Variants in LYN observed in about 807,000 individuals in gnomAD.
LYN encodes the protein LYN proto-oncogene, Src family tyrosine kinase.
A neutral mutation model predicts 65.0 loss-of-function variants in LYN; 12 were observed. The ratio of observed to expected loss-of-function variants is 0.18; its 90% CI spans 0.12 to 0.30. The LOEUF (loss-of-function observed/expected upper bound fraction) is 0.30, where lower values mean the gene tolerates loss of function less well. Among genes scored for constraint, LYN ranks in the 10% least tolerant of loss-of-function variants. The pLI is 1.00. For missense variants in LYN, 380 were observed against 623.2 expected (o/e 0.61, Z 4.16); for synonymous variants, 222 against 221.2 (o/e 1.00, Z -0.03).
At chr8:55,887,605 T>A (rs71519439) in intron 1 of LYN, among the ~76,000 whole-genome samples, 1 of 86,986 alleles carries the variant, frequency 1.1e-5, no homozygotes, top group Non-Finnish European at 2.3e-5. Context: ...CACACACACA[T>A]ATATATATAT....
rs376521113 is a variant in LYN, at chr8:55,924,068, T to A, written c.-5-17787T>A. Among the ~76,000 whole-genome samples the A allele has an allele frequency of 1.5e-4, 23 of 151,524 alleles. No individual in the cohort carries two copies. The South Asian group carries it at 4.6e-3, about 30-fold the overall frequency. ...TACTTGTTTTTTCTTTTTCTTTCTTTTTTTTTTTTATTATAGCAACCACAG... is the reference window on the plus strand; with the variant it reads ...TACTTGTTTTTTCTTTTTCTTTCTTATTTTTTTTTATTATAGCAACCACAG... On this transcript the variant is annotated intron_variant, in intron 1 of 12. Coordinates refer to ENST00000519728, the MANE Select transcript of LYN (RefSeq NM_002350.4).
rs768213433 is a variant in LYN at position 55,998,414 on chromosome 8, T to C, written c.1119T>C (p.Val373=). Residue 373 remains valine (V), a synonymous_variant, in exon 11 of 13, where the codon GTT becomes GTC. Coordinates refer to ENST00000519728, the MANE Select transcript of LYN (RefSeq NM_002350.4). Reference sequence around the variant, plus strand: ...ACCGGGACCTGCGAGCAGCTAATGTTCTGGTCTCCGAGTCACTCATGTGCA... The same window carrying C: ...ACCGGGACCTGCGAGCAGCTAATGTCCTGGTCTCCGAGTCACTCATGTGCA... ...YIHRDLRAAN[V]LVSESLMCKI... 2 of 1,613,996 alleles carry C rather than the reference T, an allele frequency of 1.2e-6. No individual in the cohort carries two copies. The highest frequency in any genetic ancestry group is 3.3e-5 in the Admixed American group (2 of 60,002).
At chr8:56,003,309 C>G (rs1585684124) in intron 12 of LYN, among the ~76,000 whole-genome samples, 1 of 152,106 alleles carries the variant, frequency 6.6e-6, no homozygotes, top group East Asian at 1.9e-4. Flanking sequence ...GATCCTCCCG[C>G]CTTGGCCTGC....
intron 10 of LYN, among the ~76,000 whole-genome samples, chr8:55,991,603 C>A (rs1284068832): frequency 6.6e-6 from 1 of 152,048 alleles, no homozygotes; most frequent in Non-Finnish European, 1.5e-5. Flanking sequence ...AACCCCCCAC[C>A]CCCAGGATTT....
At chr8:55,953,743 A>G (rs1222279884) in intron 7 of LYN, 89 bp from the exon 8 acceptor site, 7 of 1,254,054 alleles carry the variant, frequency 5.6e-6, no homozygotes, top group African/African-American at 3.3e-5. Flanking sequence ...GTTGGACACT[A>G]TAAGGCTAGT....
chr8:55,936,234 C>A (rs953743310), intron 1 of LYN, among the ~76,000 whole-genome samples: 1 of 152,164 alleles, frequency 6.6e-6, no homozygotes, highest in Non-Finnish European at 1.5e-5. Context: ...ACCTCTATTT[C>A]CCCAGGCTTC....
chr8:55,998,724 C>G (rs1355257531), intron 11 of LYN, among the ~76,000 whole-genome samples: 1 of 152,178 alleles, frequency 6.6e-6, no homozygotes, highest in Non-Finnish European at 1.5e-5. Flanking sequence ...CAAATGCTAT[C>G]AGTTGTATTT....
intron 1 of LYN, among the ~76,000 whole-genome samples, chr8:55,911,150 T>TATATATGTACATATATATACGTGTAG (rs1805605011): frequency 3.0e-5 from 1 of 32,914 alleles, no homozygotes. Flanking sequence ...TATACGTGTA[T>TATATATGTACATATATATACGTGTAG]ATATATGTAC....
chr8:56,007,971 T>C (rs920270106), intron 12 of LYN, among the ~76,000 whole-genome samples: 1 of 151,718 alleles, frequency 6.6e-6, no homozygotes, highest in Non-Finnish European at 1.5e-5. Context: ...ATACAAAAAT[T>C]AGCCGGGCAT....
intron 2 of LYN, among the ~76,000 whole-genome samples, chr8:55,942,311 GTATATATGTATATATATGTGTATATA>G (rs1282836225): frequency 1.4e-5 from 2 of 138,928 alleles, no homozygotes; most frequent in Non-Finnish European, 3.1e-5. Flanking sequence ...GTATATATGT[GTATATATGTATATATATGTGTATATA>G]TATATGTGTA....
intron 10 of LYN, among the ~76,000 whole-genome samples, chr8:55,986,993 G>A (rs1808089410): frequency 6.6e-6 from 1 of 152,332 alleles, no homozygotes; most frequent in East Asian, 1.9e-4. Flanking sequence ...TGGGATTACA[G>A]GTGGGAGCCG....
intron 1 of LYN, among the ~76,000 whole-genome samples, chr8:55,883,805 C>T (rs1804713428): frequency 6.6e-6 from 1 of 152,118 alleles, no homozygotes; most frequent in African/African-American, 2.4e-5. Flanking sequence ...TATACATTGC[C>T]TCCCATCTTT....
chr8:55,903,415 A>G (rs1326524735), intron 1 of LYN, among the ~76,000 whole-genome samples: 2 of 152,258 alleles, frequency 1.3e-5, no homozygotes, highest in African/African-American at 4.8e-5. Context: ...TAAGGCTTCT[A>G]TATCATGCCC....
chr8:55,920,658 T>C (rs1805918908), intron 1 of LYN, among the ~76,000 whole-genome samples: 1 of 152,058 alleles, frequency 6.6e-6, no homozygotes, highest in African/African-American at 2.4e-5. Context: ...CCAAAGTCCT[T>C]TGCTGCTTTA....
chr8:55,882,526 T>C (rs1361848162), intron 1 of LYN, among the ~76,000 whole-genome samples: 1 of 152,230 alleles, frequency 6.6e-6, no homozygotes, highest in Non-Finnish European at 1.5e-5. Context: ...GCAGGGAACA[T>C]TGTTATAAGC....
chr8:56,002,710 A>G (rs948470199), intron 12 of LYN, among the ~76,000 whole-genome samples: 1 of 152,134 alleles, frequency 6.6e-6, no homozygotes, highest in Non-Finnish European at 1.5e-5. Flanking sequence ...GTTTCTCTCT[A>G]TATGGAAGAA....
chr8:55,989,941 C>A (rs1008828209), intron 10 of LYN, among the ~76,000 whole-genome samples: 10 of 151,998 alleles, frequency 6.6e-5, no homozygotes, highest in African/African-American at 2.4e-4. Flanking sequence ...TAAGTGGATT[C>A]AAAAATTTCC....
chr8:56,003,068 T>TG (rs1216951814), intron 12 of LYN, among the ~76,000 whole-genome samples: 3 of 151,664 alleles, frequency 2.0e-5, no homozygotes, highest in Non-Finnish European at 4.4e-5. Context: ...TTTTGTTTTT[T>TG]TTTTTTTTTG....
chr8:56,000,727 C>CAAA (rs1043054300), intron 12 of LYN, among the ~76,000 whole-genome samples: 14 of 46,848 alleles, frequency 3.0e-4, no homozygotes, highest in Admixed American at 8.4e-4. Context: ...GACTCTGTCT[C>CAAA]AAAAAAAAAA....
Sources: allele counts gnomAD v4.1 joint callset (sites outside exome capture counted in the v4.1 genomes callset), GRCh38; gene constraint gnomAD v4.1.1; transcripts MANE v1.5; gene names NCBI Gene and HGNC (gene_info 2026-07-23, HGNC 2026-07-21).